The following GRM8 variants were observed in gnomAD, a reference collection of about 807,000 sequenced individuals.
GRM8 encodes the protein glutamate metabotropic receptor 8.
Under a neutral mutation model 87.2 loss-of-function variants are expected in GRM8, and 47 were observed. The ratio of observed to expected loss-of-function variants is 0.54; its 90% CI spans 0.43 to 0.69. The LOEUF is 0.69. Among genes scored for constraint, GRM8 ranks in the 30% least tolerant of loss-of-function variants. The pLI, the probability that GRM8 is intolerant of heterozygous loss-of-function variation, is 0.00. For synonymous variants in GRM8, 396 were observed against 404.5 expected, an observed-to-expected ratio of 0.98 and a Z score of 0.25; for missense variants, 1,019 against 1,139.2, an observed-to-expected ratio of 0.89 and a Z score of 1.52.
intron 6 of GRM8, among the ~76,000 whole-genome samples, chr7:126,790,519 G>A (rs1821168140): frequency 1.3e-5 from 2 of 152,064 alleles, no homozygotes; most frequent in Admixed American, 1.3e-4. Context: ...CAGGAATTTT[G>A]TTTTGTATTT....
At chr7:127,134,579 G>A (rs1029767051) in intron 2 of GRM8, among the ~76,000 whole-genome samples, 4 of 151,966 alleles carry the variant, frequency 2.6e-5, no homozygotes, top group African/African-American at 9.7e-5. Flanking sequence ...AATAGAATTT[G>A]AATTGTAGGA....
intron 8 of GRM8, among the ~76,000 whole-genome samples, chr7:126,579,280 T>C (rs1215111031): frequency 6.6e-6 from 1 of 152,204 alleles, no homozygotes; most frequent in Admixed American, 6.5e-5. Flanking sequence ...ATGTGACTTT[T>C]TGTGACTGGT....
intron 3 of GRM8, among the ~76,000 whole-genome samples, chr7:127,056,701 C>G (rs973751921): frequency 6.6e-6 from 1 of 152,204 alleles, no homozygotes; most frequent in African/African-American, 2.4e-5. Flanking sequence ...TAAAGAATTA[C>G]TTTGCTTGTT....
intron 7 of GRM8, among the ~76,000 whole-genome samples, chr7:126,754,491 C>G (rs1816783984): frequency 1.3e-5 from 2 of 151,860 alleles, no homozygotes; most frequent in Non-Finnish European, 2.9e-5. Context: ...CAAAAGCTAA[C>G]ACAAGCTCAA....
intron 6 of GRM8, among the ~76,000 whole-genome samples, chr7:126,838,051 T>C (rs1175627742): frequency 1.3e-5 from 2 of 152,224 alleles, no homozygotes; most frequent in Non-Finnish European, 2.9e-5. Context: ...GCCTCAAGTC[T>C]GAAAATCTTG....
intron 10 of GRM8, among the ~76,000 whole-genome samples, chr7:126,443,552 C>T (rs1424867832): frequency 2.0e-5 from 3 of 151,934 alleles, no homozygotes; most frequent in African/African-American, 7.2e-5. Flanking sequence ...CACTTTACTT[C>T]GGCCCAACTT....
chr7:127,127,414 C>A (rs914779591), intron 2 of GRM8, among the ~76,000 whole-genome samples: 2 of 151,918 alleles, frequency 1.3e-5, no homozygotes, highest in Non-Finnish European at 2.9e-5. Context: ...ACTGAATAAA[C>A]AAACTGTGGT....
At chr7:126,648,557 A>G (rs1438186836) in intron 7 of GRM8, among the ~76,000 whole-genome samples, 1 of 152,234 alleles carries the variant, frequency 6.6e-6, no homozygotes, top group South Asian at 2.1e-4. Flanking sequence ...AGAGAAGGGT[A>G]AGAACAATAG....
chr7:127,071,755 T>A (rs1252202236), intron 3 of GRM8, among the ~76,000 whole-genome samples: 1 of 152,214 alleles, frequency 6.6e-6, no homozygotes, highest in East Asian at 1.9e-4. Context: ...GGTGACATGG[T>A]TGAGGTTCAT....
At chr7:126,594,234 C>T (rs190255883) in intron 8 of GRM8, among the ~76,000 whole-genome samples, 76 of 151,944 alleles carry the variant, frequency 5.0e-4, no homozygotes, top group African/African-American at 1.7e-3. Flanking sequence ...ATCTCCTACT[C>T]GATATATATC....
chr7:126,551,681 C>T (rs565041292), intron 8 of GRM8, among the ~76,000 whole-genome samples: 16 of 134,824 alleles, frequency 1.2e-4, no homozygotes, highest in South Asian at 2.6e-4. Flanking sequence ...GGCAACCATA[C>T]GTAATTTTTT....
intron 7 of GRM8, among the ~76,000 whole-genome samples, chr7:126,755,717 C>T (rs1291807662): frequency 6.7e-6 from 1 of 150,000 alleles, no homozygotes; most frequent in African/African-American, 2.4e-5. Context: ...TTGGAACTAC[C>T]CTAGAGAATT....
At chr7:126,971,617 A>G (rs1164457630) in intron 3 of GRM8, among the ~76,000 whole-genome samples, 3 of 152,186 alleles carry the variant, frequency 2.0e-5, no homozygotes, top group African/African-American at 7.2e-5. Flanking sequence ...ACCTTCATCA[A>G]GGAACTTAGC....
At chr7:127,044,488 A>AGG (rs1818742347) in intron 3 of GRM8, among the ~76,000 whole-genome samples, 1 of 152,154 alleles carries the variant, frequency 6.6e-6, no homozygotes, top group African/African-American at 2.4e-5. Flanking sequence ...ATTAAAATAA[A>AGG]TCTGTTACTA....
chr7:127,142,722 T>C lies in GRM8; in HGVS notation c.511-36010A>G, dbSNP rs563274948. 1.8e-4 allele frequency among the ~76,000 whole-genome samples: 28 copies of C among 152,116 alleles called. No homozygotes were observed. The South Asian group carries it at 5.4e-3, about 29-fold the overall frequency. Reference sequence around the variant, plus strand: ...GGATTGGATGGATGGATGGGATGGATGGACGGACAGATGGACGGATGGACA... The same window carrying C: ...GGATTGGATGGATGGATGGGATGGACGGACGGACAGATGGACGGATGGACA... On this transcript the variant is annotated intron_variant, in intron 2 of 10. Transcript: ENST00000339582.
chr7:127,089,898 T>A (rs1823883920), intron 3 of GRM8, among the ~76,000 whole-genome samples: 1 of 152,206 alleles, frequency 6.6e-6, no homozygotes, highest in Non-Finnish European at 1.5e-5. Flanking sequence ...TCTGTGGGAT[T>A]CTTTCTGGGG....
intron 3 of GRM8, among the ~76,000 whole-genome samples, chr7:127,044,135 A>G (rs1818706273): frequency 6.6e-6 from 1 of 152,210 alleles, no homozygotes; most frequent in African/African-American, 2.4e-5. Flanking sequence ...GGGGAAGCTC[A>G]GAGCTCACCA....
intron 6 of GRM8, among the ~76,000 whole-genome samples, chr7:126,854,607 T>C (rs191184431): frequency 6.6e-6 from 1 of 152,324 alleles, no homozygotes; most frequent in Admixed American, 6.5e-5. Context: ...TCAGGAGTGC[T>C]CTTCCACGCA....
chr7:126,875,860 A>AT (rs1799485939), intron 6 of GRM8, among the ~76,000 whole-genome samples: 2 of 152,038 alleles, frequency 1.3e-5, no homozygotes, highest in Non-Finnish European at 1.5e-5. Flanking sequence ...CTAGGCACTT[A>AT]TTTTTGTGCT....
Sources: allele counts gnomAD v4.1 joint callset (sites outside exome capture counted in the v4.1 genomes callset), GRCh38; gene constraint gnomAD v4.1.1; transcripts MANE v1.5; gene names NCBI Gene and HGNC (gene_info 2026-07-23, HGNC 2026-07-21).